Variants in CDK14 observed in about 807,000 individuals in gnomAD.
CDK14 encodes cyclin-dependent kinase 14.
A neutral mutation model predicts 60.7 loss-of-function variants in CDK14; 34 were observed. The observed-to-expected ratio is 0.56, with a 90% CI of 0.43 to 0.75. CDK14 has a LOEUF of 0.75. Among genes scored for constraint, CDK14 ranks in the 30% least tolerant of loss-of-function variants. The probability of loss-of-function intolerance (pLI) is 0.00; values close to 1 mark genes in which losing one functional copy is unlikely to be tolerated. For synonymous variants in CDK14, 197 were observed against 203.7 expected (o/e 0.97, Z 0.28); for missense variants, 482 against 564.1 (o/e 0.85, Z 1.47).
chr7:91,023,964 G>A (rs893562984), intron 10 of CDK14, among the ~76,000 whole-genome samples: 1 of 151,980 alleles, frequency 6.6e-6, no homozygotes, highest in African/African-American at 2.4e-5. Context: ...GTGGAGACGG[G>A]GTTTCACCAT....
At chr7:90,773,621 C>T (rs977444942) in intron 4 of CDK14, among the ~76,000 whole-genome samples, 1 of 152,210 alleles carries the variant, frequency 6.6e-6, no homozygotes, top group Non-Finnish European at 1.5e-5. Context: ...ATCCTCCTGC[C>T]TCAGCTTCCC....
chr7:90,892,601 C>A (rs1792169605), intron 6 of CDK14, among the ~76,000 whole-genome samples: 2 of 152,080 alleles, frequency 1.3e-5, no homozygotes, highest in Admixed American at 1.3e-4. Flanking sequence ...ATATGGGAAA[C>A]CCACAGTCTA....
chr7:90,689,708 A>G (rs761560017), intron 2 of CDK14, among the ~76,000 whole-genome samples: 3 of 152,188 alleles, frequency 2.0e-5, no homozygotes, highest in Non-Finnish European at 4.4e-5. Context: ...TTTAATGTTT[A>G]TAAAATGAGT....
At chr7:90,719,194 A>C (rs1032820424) in intron 2 of CDK14, among the ~76,000 whole-genome samples, 42 of 152,154 alleles carry the variant, frequency 2.8e-4, no homozygotes. Context: ...CCTTTCATGA[A>C]TATCAAAAGA....
At chr7:91,013,146 C>G (rs1275223380) in intron 10 of CDK14, among the ~76,000 whole-genome samples, 1 of 152,220 alleles carries the variant, frequency 6.6e-6, no homozygotes, top group East Asian at 1.9e-4. Context: ...AAACACAGGC[C>G]TAGGTTTACA....
chr7:90,954,618 C>CTTTTTTTTT (rs1190916427), intron 8 of CDK14, among the ~76,000 whole-genome samples: 9 of 27,072 alleles, frequency 3.3e-4, no homozygotes, highest in African/African-American at 4.9e-4. Flanking sequence ...AAACTTTTTT[C>CTTTTTTTTT]TTTTTTTTTT....
chr7:91,006,352 T>C (rs1795978542), intron 10 of CDK14, among the ~76,000 whole-genome samples: 2 of 152,202 alleles, frequency 1.3e-5, no homozygotes, highest in South Asian at 4.1e-4. Context: ...AGAAACCAAT[T>C]CTGGCAAGTT....
At chr7:90,663,379 A>T (rs923344816) in intron 2 of CDK14, among the ~76,000 whole-genome samples, 3 of 152,158 alleles carry the variant, frequency 2.0e-5, no homozygotes, top group African/African-American at 7.2e-5. Flanking sequence ...GGAACTGCTG[A>T]TGTTAATGGA....
At chr7:90,793,723 A>G (rs112423289) in intron 5 of CDK14, among the ~76,000 whole-genome samples, 3 of 152,116 alleles carry the variant, frequency 2.0e-5, no homozygotes, top group African/African-American at 7.2e-5. Flanking sequence ...AGAAACTCTT[A>G]ATACAGAGGG....
At chr7:91,098,771 A>T (rs1245286769) in intron 12 of CDK14, among the ~76,000 whole-genome samples, 1 of 152,276 alleles carries the variant, frequency 6.6e-6, no homozygotes, top group East Asian at 1.9e-4. Flanking sequence ...AGATAAATTC[A>T]CCATGCCTTC....
At chr7:90,987,257 T>C (rs1795398925) in intron 10 of CDK14, among the ~76,000 whole-genome samples, 1 of 152,020 alleles carries the variant, frequency 6.6e-6, no homozygotes, top group Admixed American at 6.5e-5. Flanking sequence ...ACTAGGCTTT[T>C]AATAAGTCAG....
chr7:90,871,663 T>C (rs888038899), intron 6 of CDK14, among the ~76,000 whole-genome samples: 1 of 152,196 alleles, frequency 6.6e-6, no homozygotes, highest in African/African-American at 2.4e-5. Context: ...ATCAGGAATA[T>C]TGTAGAAAGG....
chr7:90,609,135 T>C (rs1009501672), intron 2 of CDK14, among the ~76,000 whole-genome samples: 1 of 152,116 alleles, frequency 6.6e-6, no homozygotes, highest in African/African-American at 2.4e-5. Flanking sequence ...CAACCTATCC[T>C]CCCACCTCAG....
intron 11 of CDK14, among the ~76,000 whole-genome samples, chr7:91,054,088 AT>A (rs10675646): frequency 9.7e-5 from 11 of 112,942 alleles, no homozygotes; most frequent in Non-Finnish European, 1.3e-4. Flanking sequence ...CTGCAAAATA[AT>A]TTTTTTTTTT....
intron 10 of CDK14, among the ~76,000 whole-genome samples, chr7:91,035,282 A>G (rs554678859): frequency 1.3e-5 from 2 of 152,322 alleles, no homozygotes; most frequent in South Asian, 2.1e-4. Context: ...CACTGTGTCT[A>G]TGGAGGCAGA....
At chr7:91,162,166 G>A (rs563976794) in intron 14 of CDK14, among the ~76,000 whole-genome samples, 5 of 152,350 alleles carry the variant, frequency 3.3e-5, no homozygotes, top group African/African-American at 1.2e-4. Flanking sequence ...AAAACCCTCA[G>A]TGGGGGACTT....
intron 2 of CDK14, among the ~76,000 whole-genome samples, chr7:90,653,149 G>C (rs1416457060): frequency 2.0e-5 from 3 of 151,806 alleles, no homozygotes; most frequent in Admixed American, 1.3e-4. Flanking sequence ...CTGCCTCTAA[G>C]TACCCCTTGA....
At chr7:90,788,233 G>T (rs1208574581) in intron 4 of CDK14, among the ~76,000 whole-genome samples, 2 of 152,172 alleles carry the variant, frequency 1.3e-5, no homozygotes, top group African/African-American at 4.8e-5. Context: ...ATCAGTTACT[G>T]CCTCCTCAGG....
chr7:91,103,475 G>A (rs2116321869), intron 12 of CDK14, among the ~76,000 whole-genome samples: 1 of 152,142 alleles, frequency 6.6e-6, no homozygotes, highest in East Asian at 1.9e-4. Flanking sequence ...TTTTGAAAAA[G>A]CGCTAGTTTC....
Sources: allele counts gnomAD v4.1 joint callset (sites outside exome capture counted in the v4.1 genomes callset), GRCh38; gene constraint gnomAD v4.1.1; transcripts MANE v1.5; gene names NCBI Gene and HGNC (gene_info 2026-07-23, HGNC 2026-07-21).